Variants in FRMD4A observed in about 807,000 individuals in gnomAD.
FRMD4A encodes the protein FERM domain containing 4A.
FRMD4A carries 29 observed loss-of-function variants against 129.1 expected under a neutral mutation model. That is an observed-to-expected ratio of 0.22 (90% CI 0.17 to 0.31). The LOEUF (loss-of-function observed/expected upper bound fraction) is 0.31. FRMD4A is among the 10% of genes least tolerant of loss of function. The probability of loss-of-function intolerance (pLI) is 1.00; values close to 1 mark genes in which losing one functional copy is unlikely to be tolerated. For missense variants in FRMD4A, 1,272 were observed against 1,375.8 expected, an observed-to-expected ratio of 0.92 and a Z score of 1.19; for synonymous variants, 634 against 571.6, an observed-to-expected ratio of 1.11 and a Z score of -1.56.
rs939120654 is a variant in FRMD4A at position 14,249,768 on chromosome 10, A to G, written c.45+80290T>C. Among the ~76,000 whole-genome samples the G allele has an allele frequency of 2.0e-5, 3 of 152,368 alleles. No individual in the cohort carries two copies. The East Asian group carries it at 5.8e-4, about 29-fold the overall frequency. On this transcript the variant is annotated intron_variant, in intron 2 of 24. Coordinates refer to ENST00000357447, the MANE Select transcript of FRMD4A (RefSeq NM_018027.5). Reference sequence around the variant, plus strand: ...ATAAGGGATGCATCAACTAAGGTGTAGGTACAGGATGGAAGACAAAGCAGT... The same window carrying G: ...ATAAGGGATGCATCAACTAAGGTGTGGGTACAGGATGGAAGACAAAGCAGT...
At chr10:14,043,149 C>A (rs547381122) in intron 2 of FRMD4A, among the ~76,000 whole-genome samples, 70 of 152,048 alleles carry the variant, frequency 4.6e-4, no homozygotes, top group African/African-American at 1.6e-3. Flanking sequence ...AGAAGGTTAC[C>A]ATGTTATCTA....
chr10:14,112,500 G>A (rs1016537338), intron 2 of FRMD4A, among the ~76,000 whole-genome samples: 1 of 152,178 alleles, frequency 6.6e-6, no homozygotes, highest in Non-Finnish European at 1.5e-5. Flanking sequence ...TTCACACTGG[G>A]CTTTGCTTAT....
At chr10:13,854,386 T>C (rs1444609519) in intron 3 of FRMD4A, among the ~76,000 whole-genome samples, 1 of 152,176 alleles carries the variant, frequency 6.6e-6, no homozygotes, top group African/African-American at 2.4e-5. Context: ...AAGACTGCGA[T>C]GAGGGTGGCT....
chr10:13,845,032 C>T lies in FRMD4A; in HGVS notation c.111+13815G>A, dbSNP rs754131990. Among the ~76,000 whole-genome samples, 17 of 152,266 alleles carry T rather than the reference C, an allele frequency of 1.1e-4. No homozygotes were observed. In the East Asian group the frequency reaches 1.7e-3, roughly 16 times the overall value. Reference sequence around the variant, plus strand: ...CAGATCAAAACCAATATGATCCATTCGGATATAGTTGTGCTTCAGTATCAT... The same window carrying T: ...CAGATCAAAACCAATATGATCCATTTGGATATAGTTGTGCTTCAGTATCAT... On this transcript the variant is annotated intron_variant, in intron 3 of 24. Coordinates refer to ENST00000357447, the MANE Select transcript of FRMD4A (RefSeq NM_018027.5).
chr10:14,325,965 T>G (rs1843256596), intron 2 of FRMD4A, among the ~76,000 whole-genome samples: 2 of 152,220 alleles, frequency 1.3e-5, no homozygotes, highest in Admixed American at 6.5e-5. Flanking sequence ...TTGACATTCT[T>G]CATTCATTGT....
chr10:13,941,442 G>A (rs774003225), intron 2 of FRMD4A, among the ~76,000 whole-genome samples: 5 of 152,132 alleles, frequency 3.3e-5, no homozygotes, highest in African/African-American at 1.2e-4. Context: ...GCGTGTAAAC[G>A]GACTAATACA....
chr10:13,838,252 AT>A (rs905362746), intron 3 of FRMD4A, among the ~76,000 whole-genome samples: 32,889 of 125,970 alleles, frequency 0.26, 4,077 homozygotes, highest in African/African-American at 0.31. Context: ...TGCAGAGCTA[AT>A]TTTTTTTTTT....
chr10:14,293,643 CG>C (rs766140740), intron 2 of FRMD4A, among the ~76,000 whole-genome samples: 43 of 151,216 alleles, frequency 2.8e-4, no homozygotes, highest in Non-Finnish European at 4.6e-4. Context: ...AAGCAATGCC[CG>C]TTGACCAGTG....
chr10:14,167,089 T>C (rs1261693799), intron 2 of FRMD4A, among the ~76,000 whole-genome samples: 1 of 152,144 alleles, frequency 6.6e-6, no homozygotes, highest in Non-Finnish European at 1.5e-5. Flanking sequence ...CAGAAGAGAA[T>C]AATTAGAATG....
intron 2 of FRMD4A, among the ~76,000 whole-genome samples, chr10:13,955,368 A>C (rs909131296): frequency 6.6e-6 from 1 of 152,142 alleles, no homozygotes; most frequent in African/African-American, 2.4e-5. Flanking sequence ...TCAGCCTTCC[A>C]AAGTGTTGGG....
intron 2 of FRMD4A, among the ~76,000 whole-genome samples, chr10:13,934,066 G>A (rs560369352): frequency 6.6e-6 from 1 of 152,324 alleles, no homozygotes; most frequent in Non-Finnish European, 1.5e-5. Flanking sequence ...GATCAGAAAA[G>A]CACTACAGGA....
intron 2 of FRMD4A, among the ~76,000 whole-genome samples, chr10:13,955,336 G>C (rs1463870797): frequency 6.6e-6 from 1 of 152,100 alleles, no homozygotes; most frequent in Non-Finnish European, 1.5e-5. Context: ...TCGAACTCCT[G>C]ACCTAAAGTG....
rs537405596 is a variant in FRMD4A at position 13,654,158 on chromosome 10, G to A, written c.3050+258C>T. On this transcript the variant is annotated intron_variant, in intron 23 of 24. Coordinates refer to ENST00000357447, the MANE Select transcript of FRMD4A (RefSeq NM_018027.5). ...TACCAAAGAAGCACAGTCCCACTTC[G>A]TGCTTCCATCTCCCCACATCCCAAG... 340 of 555,436 alleles carry A rather than the reference G, an allele frequency of 6.1e-4. 4 individuals carry two copies. The highest frequency in any genetic ancestry group is 1.5e-3 in the South Asian group (61 of 39,940). The allele number at this position is 555,436 out of a possible 1,614,324, so 34.4% of individuals were successfully genotyped here. A position where few individuals can be genotyped will look rare whatever the true frequency, so the allele number is the denominator to read the frequency against.
At chr10:14,310,074 A>T (rs771741163) in intron 2 of FRMD4A, among the ~76,000 whole-genome samples, 2 of 152,142 alleles carry the variant, frequency 1.3e-5, no homozygotes, top group Non-Finnish European at 2.9e-5. Context: ...TTGAACCCCA[A>T]TGCATCTTCG....
intron 3 of FRMD4A, among the ~76,000 whole-genome samples, chr10:13,839,114 GTCT>G (rs1432481425): frequency 6.8e-6 from 1 of 147,958 alleles, no homozygotes; most frequent in Non-Finnish European, 1.5e-5. Flanking sequence ...TCCCACCTCA[GTCT>G]TCTTAGTAGC....
chr10:14,101,380 G>T (rs957557196), intron 2 of FRMD4A, among the ~76,000 whole-genome samples: 2 of 152,226 alleles, frequency 1.3e-5, no homozygotes, highest in East Asian at 1.9e-4. Context: ...TTGCTGCGGG[G>T]TTAGTCTTAC....
chr10:13,783,089 T>C (rs1281056358), intron 5 of FRMD4A, 83 bp from the exon 6 acceptor site: 4 of 735,026 alleles, frequency 5.4e-6, no homozygotes, highest in Non-Finnish European at 1.0e-5. Flanking sequence ...TGATTTGAGA[T>C]GAAAGCTGGC....
intron 2 of FRMD4A, among the ~76,000 whole-genome samples, chr10:14,112,958 T>C (rs941617432): frequency 2.0e-4 from 30 of 151,946 alleles, no homozygotes; most frequent in African/African-American, 7.3e-4. Context: ...TCGGTGTAAG[T>C]GTGGGTTAAG....
intron 2 of FRMD4A, among the ~76,000 whole-genome samples, chr10:14,197,214 C>T (rs1842496654): frequency 6.6e-6 from 1 of 152,136 alleles, no homozygotes; most frequent in Non-Finnish European, 1.5e-5. Flanking sequence ...ACATTTTATA[C>T]AATTTTATAC....
Sources: gnomAD v4.1 joint callset for allele counts (sites outside exome capture counted in the v4.1 genomes callset) on GRCh38, gnomAD v4.1.1 for gene constraint, MANE v1.5 for transcripts, NCBI Gene and HGNC (gene_info 2026-07-23, HGNC 2026-07-21) for gene names.